The following KCTD16 variants were observed in gnomAD, a reference collection of about 807,000 sequenced individuals.
KCTD16 encodes potassium channel tetramerization domain containing 16, also known as BTB/POZ domain-containing protein KCTD16.
Under a neutral mutation model 33.2 loss-of-function variants are expected in KCTD16, and 13 were observed. That is an observed-to-expected ratio of 0.39 (90% CI 0.25 to 0.62). The LOEUF is 0.62. Among genes scored for constraint, KCTD16 ranks in the 20% least tolerant of loss-of-function variants. The probability of loss-of-function intolerance (pLI) is 0.50; values close to 1 mark genes in which losing one functional copy is unlikely to be tolerated. For synonymous variants in KCTD16, 197 were observed against 195.3 expected, an observed-to-expected ratio of 1.01 and a Z score of -0.07; for missense variants, 441 against 525.1, an observed-to-expected ratio of 0.84 and a Z score of 1.57.
intron 3 of KCTD16, among the ~76,000 whole-genome samples, chr5:144,381,762 A>G (rs1159746501): frequency 3.3e-5 from 5 of 152,214 alleles, no homozygotes; most frequent in African/African-American, 7.2e-5. Context: ...GGAAATGACA[A>G]TTCAACATGA....
At chr5:144,308,910 G>A (rs1445172042) in intron 3 of KCTD16, among the ~76,000 whole-genome samples, 1 of 151,934 alleles carries the variant, frequency 6.6e-6, no homozygotes, top group African/African-American at 2.4e-5. Flanking sequence ...GTTGAGCATG[G>A]GGTCTCATTC....
chr5:144,430,244 C>T (rs1266011403), intron 3 of KCTD16, among the ~76,000 whole-genome samples: 9 of 152,168 alleles, frequency 5.9e-5, no homozygotes, highest in African/African-American at 2.2e-4. Context: ...TTATATTACA[C>T]AGACAAAATC....
intron 3 of KCTD16, among the ~76,000 whole-genome samples, chr5:144,292,629 T>A (rs191393273): frequency 4.9e-4 from 74 of 152,278 alleles, no homozygotes; most frequent in African/African-American, 1.7e-3. Context: ...TATTTGGAGA[T>A]TCAGCATGAA....
intron 3 of KCTD16, among the ~76,000 whole-genome samples, chr5:144,215,177 A>C (rs1202153611): frequency 1.3e-5 from 2 of 152,188 alleles, no homozygotes; most frequent in Non-Finnish European, 2.9e-5. Context: ...ACCTGCGCAA[A>C]GATTCTAGCT....
chr5:144,398,167 C>T (rs1211740307), intron 3 of KCTD16, among the ~76,000 whole-genome samples: 1 of 152,196 alleles, frequency 6.6e-6, no homozygotes, highest in Non-Finnish European at 1.5e-5. Context: ...AATCCCACAG[C>T]AAAACCTATT....
intron 3 of KCTD16, among the ~76,000 whole-genome samples, chr5:144,291,216 A>G (rs1663729863): frequency 1.3e-5 from 2 of 152,172 alleles, no homozygotes; most frequent in African/African-American, 2.4e-5. Context: ...TAGCATTCTT[A>G]TGTCCACAGT....
intron 3 of KCTD16, among the ~76,000 whole-genome samples, chr5:144,256,350 A>G (rs553812438): frequency 1.3e-5 from 2 of 152,242 alleles, no homozygotes; most frequent in Non-Finnish European, 1.5e-5. Context: ...CTGTGACTTC[A>G]GCCAAAATAA....
chr5:144,197,268 T>C (rs1752956920), intron 2 of KCTD16, among the ~76,000 whole-genome samples: 1 of 152,232 alleles, frequency 6.6e-6, no homozygotes, highest in Non-Finnish European at 1.5e-5. Context: ...CTTATTTCTA[T>C]AAGCTTTTAA....
intron 3 of KCTD16, among the ~76,000 whole-genome samples, chr5:144,413,123 G>A (rs1454601425): frequency 6.6e-6 from 1 of 152,060 alleles, no homozygotes. Context: ...ACATCTATTA[G>A]GTATCAATAC....
chr5:144,199,707 A>G (rs1305005905), intron 2 of KCTD16, among the ~76,000 whole-genome samples: 1 of 67,738 alleles, frequency 1.5e-5, no homozygotes, highest in Admixed American at 1.6e-4. Context: ...GAACAGCTTC[A>G]TTTTTTTTTT....
At chr5:144,473,639 G>A in intron 3 of KCTD16, 21 bp from the exon 4 acceptor site, 2 of 1,572,110 alleles carry the variant, frequency 1.3e-6, no homozygotes, top group South Asian at 1.2e-5. Flanking sequence ...TAATCCTTTG[G>A]GTCCTTTGCT....
chr5:144,479,421 G>T lies in KCTD16; in HGVS notation c.*5307G>T, dbSNP rs2127006483. On this transcript the variant is annotated 3_prime_UTR_variant, in exon 4 of 4. Coordinates refer to ENST00000512467, the MANE Select transcript of KCTD16 (RefSeq NM_020768.4). ...AAGCAAGAAAGAGTGAATTCAAAAG[G>T]GTTTCAATGATCCAATTGACCCTAT... The T allele has an allele frequency of 6.6e-6, 1 of 150,952 alleles. No individual in the cohort carries two copies. The highest frequency in any genetic ancestry group is 2.0e-4 in the East Asian group (1 of 5,124). The allele number at this position is 150,952 out of a possible 1,614,324, so 9.4% of individuals were successfully genotyped here.
chr5:144,363,463 G>T (rs150606900), intron 3 of KCTD16, among the ~76,000 whole-genome samples: 12 of 152,172 alleles, frequency 7.9e-5, no homozygotes, highest in Non-Finnish European at 1.3e-4. Context: ...CCGTCCTTCT[G>T]CTTATGGTGG....
At chr5:144,199,898 A>G (rs1411345121) in intron 2 of KCTD16, among the ~76,000 whole-genome samples, 2 of 151,876 alleles carry the variant, frequency 1.3e-5, no homozygotes, top group African/African-American at 4.8e-5. Flanking sequence ...GTATTTTAGT[A>G]GAGACAGGGT....
chr5:144,450,453 T>C (rs1197884465), intron 3 of KCTD16, among the ~76,000 whole-genome samples: 4 of 152,092 alleles, frequency 2.6e-5, no homozygotes. Flanking sequence ...TGGGCATATA[T>C]TCAAAATAAT....
intron 3 of KCTD16, among the ~76,000 whole-genome samples, chr5:144,212,128 G>A (rs894163812): frequency 1.3e-5 from 2 of 152,042 alleles, no homozygotes; most frequent in Non-Finnish European, 2.9e-5. Context: ...TTAAGTATAA[G>A]GCTTCATTAT....
chr5:144,355,324 T>G (rs2126911128), intron 3 of KCTD16, among the ~76,000 whole-genome samples: 1 of 152,302 alleles, frequency 6.6e-6, no homozygotes, highest in African/African-American at 2.4e-5. Context: ...AATTCCAAAA[T>G]TTATCTTCTT....
intron 3 of KCTD16, among the ~76,000 whole-genome samples, chr5:144,265,430 G>T (rs1272252611): frequency 2.6e-5 from 4 of 152,140 alleles, no homozygotes; most frequent in Admixed American, 2.0e-4. Context: ...TATTATGAGA[G>T]TTGTTGGAAT....
chr5:144,323,819 G>C (rs1431788540), intron 3 of KCTD16, among the ~76,000 whole-genome samples: 1 of 152,130 alleles, frequency 6.6e-6, no homozygotes, highest in African/African-American at 2.4e-5. Context: ...TTGGGCATTA[G>C]ATCAGCCCTA....
Sources: gnomAD v4.1 joint callset for allele counts (sites outside exome capture counted in the v4.1 genomes callset) on GRCh38, gnomAD v4.1.1 for gene constraint, MANE v1.5 for transcripts, NCBI Gene and HGNC (gene_info 2026-07-23, HGNC 2026-07-21) for gene names.